Variants in PSMF1 observed in about 807,000 individuals in gnomAD.
PSMF1 encodes proteasome inhibitor PI31 subunit.
Under a neutral mutation model 29.3 loss-of-function variants are expected in PSMF1, and 30 were observed. The ratio of observed to expected loss-of-function variants is 1.02; its 90% CI spans 0.77 to 1.39. PSMF1 has a LOEUF of 1.39. PSMF1 is among the 40% of genes most tolerant of loss of function. PSMF1 has a pLI of 0.00. For missense variants in PSMF1, 344 were observed against 357.5 expected (o/e 0.96, Z 0.31); for synonymous variants, 134 against 139.7 (o/e 0.96, Z 0.29).
chr20:1,132,010 T>C (rs2086235663), intron 3 of PSMF1, among the ~76,000 whole-genome samples: 1 of 152,130 alleles, frequency 6.6e-6, no homozygotes, highest in Non-Finnish European at 1.5e-5. Context: ...GGCCCCAACA[T>C]CATTTGTTAT....
chr20:1,147,154 A>G (rs1408200130), intron 4 of PSMF1, among the ~76,000 whole-genome samples: 4 of 121,334 alleles, frequency 3.3e-5, no homozygotes, highest in Non-Finnish European at 5.3e-5. Flanking sequence ...CATCATCATC[A>G]TCATCATCAT....
chr20:1,122,278 CTTTTTCTTTTTCTTTTCTTTT>C (rs1244602819), intron 1 of PSMF1, among the ~76,000 whole-genome samples: 1 of 137,658 alleles, frequency 7.3e-6, no homozygotes, highest in Non-Finnish European at 1.5e-5. Context: ...GTTTTCTTTT[CTTTTTCTTTTTCTTTTCTTTT>C]TTTTTTTTTT....
Position 1,163,215 on chromosome 20 carries a change from A to G in PSMF1, c.605+32A>G. On this transcript the variant is annotated intron_variant, in intron 5 of 6. Coordinates refer to ENST00000335877, the MANE Select transcript of PSMF1 (RefSeq NM_006814.5). This position sits in a 1 kb window ranked among gnomAD's most constrained non-coding sequence, Gnocchi z 6.1. The stretch of plus-strand genomic sequence containing the variant: ...ACTGCTGGGGAGGTGGCAGCAACAC[A>G]ACTTGCTTTTGTGGCTTTTCAGCCC... The G allele has an allele frequency of 6.2e-7, 1 of 1,611,452 alleles. No individual in the cohort carries two copies. The highest frequency in any genetic ancestry group is 2.2e-5 in the East Asian group (1 of 44,868).
At chr20:1,144,606 A>G (rs1006002820) in intron 4 of PSMF1, among the ~76,000 whole-genome samples, 17 of 152,256 alleles carry the variant, frequency 1.1e-4, no homozygotes, top group African/African-American at 4.1e-4. Context: ...GCATAAAGGA[A>G]TGAATTGTTG....
chr20:1,135,207 T>G lies in PSMF1; in HGVS notation c.452T>G (p.Val151Gly), dbSNP rs891960216. ...PIHEQWEKANVSSPHREFPPA... is the reference protein window; with the variant it reads ...PIHEQWEKANGSSPHREFPPA... ...CATGAGCAGTGGGAAAAGGCTAATG[T>G]AAGCAGTCCCCACCGGGAGTTCCCC... Residue 151 changes from valine to glycine, a missense_variant, in exon 4 of 7, where the codon GTA (valine) becomes GGA (glycine). Physicochemically the swap from Val to Gly is moderately radical, Grantham distance 109 (BLOSUM62 -3). Transcript: ENST00000335877. The G allele has an allele frequency of 3.7e-6, 6 of 1,614,008 alleles. 1 individual carries two copies. Among genetic ancestry groups the G allele is most frequent in the African/African-American group, 1.3e-5 (1 of 74,898 alleles).
rs1455711327 is a variant in PSMF1 at position 1,161,907 on chromosome 20, T to C, written c.552-1223T>C. 7.2e-5 allele frequency among the ~76,000 whole-genome samples: 11 copies of C among 152,250 alleles called. No homozygotes were observed. In the East Asian group the frequency reaches 1.9e-3, roughly 27 times the overall value. On this transcript the variant is annotated intron_variant, in intron 4 of 6. Transcript: ENST00000335877. ...GACCTTGTATTCAAGTTAACTGTTC[T>C]CTTGGTATTTGTTTAATACTCTACA...
rs566584380 is a variant in PSMF1, at chr20:1,165,057, G to A, written c.793G>A (p.Gly265Ser). 3 of 1,614,016 alleles carry A rather than the reference G, an allele frequency of 1.9e-6. No homozygotes were observed. The East Asian group carries it at 6.7e-5, about 36-fold the overall frequency. ...GPNPDHLPPP[G>S]YDDMYL ...TAACCCAGACCATCTCCCCCCGCCG[G>A]GCTACGATGACATGTACCTGTGAAG... The change falls in exon 7 of 7, where the codon GGC becomes AGC. Residue 265 changes from glycine to serine, a missense_variant. Coordinates refer to ENST00000335877, the MANE Select transcript of PSMF1 (RefSeq NM_006814.5).
chr20:1,132,431 A>G (rs900677287), intron 3 of PSMF1, among the ~76,000 whole-genome samples: 5 of 151,800 alleles, frequency 3.3e-5, no homozygotes, highest in Admixed American at 2.0e-4. Context: ...GCGTGCCACC[A>G]TGCCTGGCTA....
chr20:1,123,680 A>G (rs2086119303), intron 1 of PSMF1, among the ~76,000 whole-genome samples: 2 of 152,158 alleles, frequency 1.3e-5, no homozygotes, highest in Non-Finnish European at 2.9e-5. Flanking sequence ...TTTGTTATGT[A>G]CCCTGTGCAC....
intron 4 of PSMF1, chr20:1,160,840 G>GA: frequency 2.1e-6 from 1 of 465,910 alleles, no homozygotes; most frequent in Admixed American, 2.4e-5. Context: ...GAGAAGATCT[G>GA]GCACCACACC....
chr20:1,113,445 AAC>A (rs58779664), intron 1 of PSMF1: 4,819 of 114,438 alleles, frequency 0.042, 112 homozygotes, highest in African/African-American at 0.072. Flanking sequence ...GATCAGGGGC[AAC>A]ACACACACAC....
intron 4 of PSMF1, chr20:1,161,188 G>A (rs540769021): frequency 1.2e-4 from 40 of 326,028 alleles, no homozygotes; most frequent in African/African-American, 5.2e-4. Flanking sequence ...ACAGCCAAGC[G>A]GGAGATCATG....
chr20:1,133,644 G>A (rs892921700), intron 3 of PSMF1, among the ~76,000 whole-genome samples: 3 of 145,160 alleles, frequency 2.1e-5, no homozygotes, highest in African/African-American at 5.0e-5. Context: ...AAATGGATTG[G>A]AACGTATTCC....
intron 4 of PSMF1, among the ~76,000 whole-genome samples, chr20:1,139,417 G>T (rs1383139144): frequency 1.3e-5 from 2 of 152,176 alleles, no homozygotes; most frequent in Non-Finnish European, 2.9e-5. Flanking sequence ...GGGGTATCCA[G>T]ATTAGAAAGT....
chr20:1,132,541 C>T (rs1156842510), intron 3 of PSMF1, among the ~76,000 whole-genome samples: 1 of 152,016 alleles, frequency 6.6e-6, no homozygotes, highest in Non-Finnish European at 1.5e-5. Context: ...TCCCAAAGTG[C>T]TGGGATTACA....
At position 1,130,639 on chromosome 20, in the gene PSMF1, T is replaced by G. The variant is rs187842695; in HGVS notation, c.365+3131T>G. ...GCTTCAAAACATTTTAGTAAAATGT[T>G]TTTTTTGGAGTCAGGTTTCCCTCTG... On this transcript the variant is annotated intron_variant, in intron 3 of 6. Coordinates refer to ENST00000335877, the MANE Select transcript of PSMF1 (RefSeq NM_006814.5). Among the ~76,000 whole-genome samples the G allele has an allele frequency of 1.1e-3, 160 of 152,286 alleles. 1 individual carries two copies. The highest frequency in any genetic ancestry group is 2.7e-3 in the Admixed American group (41 of 15,302).
In PSMF1 at chr20:1,125,523, A is replaced by C. The variant is rs370346644; in HGVS notation, c.155A>C (p.Glu52Ala). ...CCGGGTCCCAATGATAAGAAGTCAGAACTGCTGCCAGCTGGGTGGAACAAC... is the reference window on the plus strand; with the variant it reads ...CCGGGTCCCAATGATAAGAAGTCAGCACTGCTGCCAGCTGGGTGGAACAAC... ...DQPGPNDKKS[E>A]LLPAGWNNNK... Residue 52 changes from glutamate (E) to alanine (A), a missense_variant, in exon 2 of 7, where the codon GAA becomes GCA. By Grantham distance (107) the Glu-to-Ala change is moderately radical. Transcript: ENST00000335877. The C allele has an allele frequency of 1.9e-6, 3 of 1,612,366 alleles. No individual in the cohort carries two copies. The African/African-American group carries it at 4.0e-5, about 22-fold the overall frequency.
At chr20:1,133,947 A>G (rs961121606) in intron 3 of PSMF1, among the ~76,000 whole-genome samples, 8 of 151,836 alleles carry the variant, frequency 5.3e-5, no homozygotes, top group African/African-American at 1.9e-4. Context: ...CTACAGATCT[A>G]TTGTAATATC....
At chr20:1,138,518 CAA>C (rs34220986) in intron 4 of PSMF1, among the ~76,000 whole-genome samples, 47 of 97,746 alleles carry the variant, frequency 4.8e-4, no homozygotes, top group East Asian at 2.2e-3. Flanking sequence ...GACTGCATCT[CAA>C]AAAAAAAAAA....
Sources: gnomAD v4.1 joint callset for allele counts (sites outside exome capture counted in the v4.1 genomes callset) on GRCh38, gnomAD v4.1.1 for gene constraint, Gnocchi (gnomAD v3.1) non-coding constraint, MANE v1.5 for transcripts, NCBI Gene and HGNC (gene_info 2026-07-23, HGNC 2026-07-21) for gene names.